HPSE2: variants seen among roughly 807,000 people sequenced by gnomAD.
HPSE2 encodes the protein heparanase 2 (inactive).
In HPSE2, 38 loss-of-function variants were observed where a neutral mutation model predicts 60.5. That is an observed-to-expected ratio of 0.63 (90% confidence interval 0.48 to 0.82). The LOEUF (loss-of-function observed/expected upper bound fraction) is 0.82. Ranked by LOEUF, HPSE2 falls within the 40% of genes least tolerant of loss-of-function variation. The pLI, the probability that HPSE2 is intolerant of heterozygous loss-of-function variation, is 0.00. For synonymous variants in HPSE2, 295 were observed against 293.2 expected (o/e 1.01, Z -0.06); for missense variants, 713 against 740.4 (o/e 0.96, Z 0.43).
intron 3 of HPSE2, among the ~76,000 whole-genome samples, chr10:99,034,025 T>C (rs928659395): frequency 2.2e-4 from 33 of 152,286 alleles, no homozygotes; most frequent in African/African-American, 7.7e-4. Context: ...AAAACCTATA[T>C]GTGCATATGT....
At chr10:98,945,654 G>C (rs948811497) in intron 3 of HPSE2, among the ~76,000 whole-genome samples, 3 of 152,154 alleles carry the variant, frequency 2.0e-5, no homozygotes, top group African/African-American at 7.2e-5. Flanking sequence ...TTTTTGGGAT[G>C]CGAAGAGGCT....
At position 98,917,448 on chromosome 10, in the gene HPSE2, T is replaced by C. The variant is rs553655369; in HGVS notation, c.611-173392A>G. 2.6e-5 allele frequency among the ~76,000 whole-genome samples: 4 copies of C among 152,326 alleles called. No homozygotes were observed. In the South Asian group the frequency reaches 6.2e-4, roughly 24 times the overall value. On this transcript the variant is annotated intron_variant, in intron 3 of 11. Coordinates refer to ENST00000370552, the MANE Select transcript of HPSE2 (RefSeq NM_021828.5). ...CAATCATCACGTGAGTGGGTGGAAA[T>C]GATTCTGAAACAGATAATTCTGAAA... is the stretch of plus-strand genomic sequence containing the variant.
chr10:98,704,560 G>T (rs1425548711), intron 5 of HPSE2, among the ~76,000 whole-genome samples: 3 of 152,072 alleles, frequency 2.0e-5, no homozygotes, highest in African/African-American at 4.8e-5. Context: ...TCCCAAAACA[G>T]ACATAAAGAC....
At chr10:98,735,508 C>T (rs1393994364) in intron 4 of HPSE2, among the ~76,000 whole-genome samples, 1 of 151,674 alleles carries the variant, frequency 6.6e-6, no homozygotes, top group African/African-American at 2.4e-5. Context: ...CTAGTAGAGC[C>T]ATGAGAAGAG....
intron 3 of HPSE2, among the ~76,000 whole-genome samples, chr10:98,951,585 C>T (rs1774290162): frequency 6.6e-6 from 1 of 152,108 alleles, no homozygotes; most frequent in Admixed American, 6.6e-5. Flanking sequence ...TTTAGGAAGG[C>T]AGATAAACTA....
chr10:99,009,240 C>CAAAAA (rs56775967), intron 3 of HPSE2, among the ~76,000 whole-genome samples: 4 of 74,420 alleles, frequency 5.4e-5, no homozygotes, highest in Admixed American at 2.1e-4. Context: ...CCAGTGTCTA[C>CAAAAA]AAAAAAAAAA....
At chr10:99,153,162 G>A (rs947669775) in intron 2 of HPSE2, among the ~76,000 whole-genome samples, 5 of 152,212 alleles carry the variant, frequency 3.3e-5, no homozygotes, top group African/African-American at 1.2e-4. Context: ...CAAGGCAGCA[G>A]CGAGGCTGGG....
At chr10:98,893,078 T>C (rs1303249741) in intron 3 of HPSE2, among the ~76,000 whole-genome samples, 1 of 152,112 alleles carries the variant, frequency 6.6e-6, no homozygotes, top group African/African-American at 2.4e-5. Flanking sequence ...TTTATTTATT[T>C]ATTTTTGAGA....
intron 4 of HPSE2, among the ~76,000 whole-genome samples, chr10:98,724,559 A>T (rs1435820887): frequency 6.6e-6 from 1 of 152,148 alleles, no homozygotes; most frequent in African/African-American, 2.4e-5. Flanking sequence ...TAATGTTGAC[A>T]GTGGGTTGTT....
intron 3 of HPSE2, among the ~76,000 whole-genome samples, chr10:98,868,306 C>A (rs1952645206): frequency 6.6e-6 from 1 of 151,776 alleles, no homozygotes; most frequent in African/African-American, 2.4e-5. Flanking sequence ...CAATTAAATT[C>A]ATGGAGATAG....
chr10:99,145,471 G>A (rs959083266), intron 2 of HPSE2, among the ~76,000 whole-genome samples: 1 of 148,744 alleles, frequency 6.7e-6, no homozygotes, highest in Non-Finnish European at 1.5e-5. Flanking sequence ...AAAAAAAAAA[G>A]AAGAAGAAGA....
intron 3 of HPSE2, among the ~76,000 whole-genome samples, chr10:99,139,499 A>AATAT (rs141419107): frequency 2.3e-4 from 35 of 151,198 alleles, no homozygotes; most frequent in Admixed American, 1.1e-3. Context: ...AGAGAGGTTA[A>AATAT]ATATATATAT....
At chr10:98,579,591 T>C (rs147957880) in intron 9 of HPSE2, among the ~76,000 whole-genome samples, 3 of 152,276 alleles carry the variant, frequency 2.0e-5, no homozygotes, top group African/African-American at 7.2e-5. Context: ...TCTCCCCCCT[T>C]CCACTTCCTA....
chr10:98,850,512 A>G (rs1188154854), intron 3 of HPSE2, among the ~76,000 whole-genome samples: 1 of 152,072 alleles, frequency 6.6e-6, no homozygotes, highest in East Asian at 1.9e-4. Flanking sequence ...CGAAGCGGGC[A>G]GATCACGAGG....
At chr10:98,461,742 G>A (rs766021839) in intron 11 of HPSE2, 4 of 1,551,462 alleles carry the variant, frequency 2.6e-6, no homozygotes, top group South Asian at 1.2e-5. Context: ...ACAGAATTAG[G>A]TGCAAACCTT....
In HPSE2 at chr10:98,760,994, A is replaced by G. The variant is rs1949991821; in HGVS notation, c.611-16938T>C. 2.6e-5 allele frequency among the ~76,000 whole-genome samples: 4 copies of G among 152,002 alleles called. No individual in the cohort carries two copies. The South Asian group carries it at 8.3e-4, about 32-fold the overall frequency. The stretch of plus-strand genomic sequence containing the variant: ...TTTTTGACAACTGAGAATCTTACTT[A>G]TTTTTGGTCTGTTCAGGTTTTCTAT... On this transcript the variant is annotated intron_variant, in intron 3 of 11. Coordinates refer to ENST00000370552, the MANE Select transcript of HPSE2 (RefSeq NM_021828.5).
intron 9 of HPSE2, among the ~76,000 whole-genome samples, chr10:98,585,309 T>C (rs1388764336): frequency 1.3e-5 from 2 of 150,082 alleles, no homozygotes; most frequent in Admixed American, 1.3e-4. Flanking sequence ...TCTCACTCTA[T>C]CACCTAGGCT....
chr10:98,507,784 T>C (rs1396947846), intron 9 of HPSE2, among the ~76,000 whole-genome samples: 2 of 152,176 alleles, frequency 1.3e-5, no homozygotes, highest in African/African-American at 2.4e-5. Context: ...CCTTCCCTTC[T>C]TCCCTCCCCA....
chr10:98,524,153 T>G (rs1277799477), intron 9 of HPSE2, among the ~76,000 whole-genome samples: 1 of 152,252 alleles, frequency 6.6e-6, no homozygotes, highest in Non-Finnish European at 1.5e-5. Context: ...GCTGTTGACA[T>G]CTTGAAATTC....
Sources: allele counts gnomAD v4.1 joint callset (sites outside exome capture counted in the v4.1 genomes callset), GRCh38; gene constraint gnomAD v4.1.1; transcripts MANE v1.5; gene names NCBI Gene and HGNC (gene_info 2026-07-23, HGNC 2026-07-21).